WFDC2: variants seen among roughly 807,000 people sequenced by gnomAD.
WFDC2 encodes the protein WAP four-disulfide core domain 2.
In WFDC2, 8 loss-of-function variants were observed where a neutral mutation model predicts 12.5. The observed-to-expected ratio is 0.64, with a 90% CI of 0.37 to 1.15. The LOEUF (loss-of-function observed/expected upper bound fraction) is 1.15. WFDC2 is among the 50% of genes most tolerant of loss of function. The pLI is 0.01. For synonymous variants in WFDC2, 74 were observed against 67.2 expected, an observed-to-expected ratio of 1.10 and a Z score of -0.49; for missense variants, 166 against 159.9, an observed-to-expected ratio of 1.04 and a Z score of -0.21.
rs754010371 is a variant in WFDC2, at chr20:45,480,084, CA to C, written c.368del (p.Asn123IlefsTer10). 7 of 1,613,972 alleles carry C rather than the reference CA, an allele frequency of 4.3e-6. No homozygotes were observed. The highest frequency in any genetic ancestry group is 5.9e-6 in the Non-Finnish European group (7 of 1,179,872). On this transcript the variant is annotated frameshift_variant, in exon 3 of 4. Transcript: ENST00000372676. LOFTEE classifies it low-confidence loss of function (END_TRUNC). ...GTGGGAAGGTGTCCTGTGTCACTCCCAATTTCTGAGGTAAGTGAACGGGAAA... is the reference window on the plus strand; with the variant it reads ...GTGGGAAGGTGTCCTGTGTCACTCCCATTTCTGAGGTAAGTGAACGGGAAA... Reference protein sequence around the residue: ...GCGKVSCVTPNF With the variant: ...GCGKVSCVTPXF
chr20:45,470,400 G>C lies in WFDC2; in HGVS notation c.91G>C (p.Glu31Gln). 3 of 1,588,502 alleles carry C rather than the reference G, an allele frequency of 1.9e-6. No individual in the cohort carries two copies. Among genetic ancestry groups the C allele is most frequent in the Non-Finnish European group, 2.6e-6 (3 of 1,166,640 alleles). Residue 31 changes from glutamate (E) to glutamine (Q), a missense_variant, in exon 2 of 4, where the codon GAG (glutamate) becomes CAG (glutamine). Transcript: ENST00000372676. This position sits in a 1 kb window ranked among gnomAD's most constrained non-coding sequence, Gnocchi z 5.4. ...GCCTCCCCTCCCAGGCACAGGAGCA[G>C]AGAAGACTGGCGTGTGCCCCGAGCT... is the stretch of plus-strand genomic sequence containing the variant. The part of the protein sequence containing the change: ...GFTLVSGTGA[E>Q]KTGVCPELQA...
chr20:45,480,168 G>A (rs1355282900), intron 3 of WFDC2, 74 bp downstream of exon 3: 30 of 1,579,772 alleles, frequency 1.9e-5, no homozygotes, highest in South Asian at 7.0e-5. Flanking sequence ...TCACCCAGGC[G>A]GAGGTGAAGG....
At chr20:45,477,315 T>C (rs1479181230) in intron 2 of WFDC2, among the ~76,000 whole-genome samples, 1 of 152,230 alleles carries the variant, frequency 6.6e-6, no homozygotes, top group Non-Finnish European at 1.5e-5. Context: ...CGTGGATTTA[T>C]CTACCTTTGG....
rs1002154548 is a variant in WFDC2 at position 45,475,328 on chromosome 20, T to A, written c.224-4614T>A. On this transcript the variant is annotated intron_variant, in intron 2 of 3. Coordinates refer to ENST00000372676, the MANE Select transcript of WFDC2 (RefSeq NM_006103.4). ...TTGTGGGCATTTAGTGCTATAAATT[T>A]CCTTCTAAGCACTGCTTTAGCTGTG... 2.0e-5 allele frequency among the ~76,000 whole-genome samples: 3 copies of A among 152,246 alleles called. 1 individual carries two copies. Among genetic ancestry groups the A allele is most frequent in the Non-Finnish European group, 4.4e-5 (3 of 68,042 alleles).
intron 2 of WFDC2, among the ~76,000 whole-genome samples, chr20:45,478,194 G>A (rs1991257487): frequency 6.6e-6 from 1 of 152,042 alleles, no homozygotes; most frequent in Non-Finnish European, 1.5e-5. Context: ...GGCATTCCAG[G>A]CACCACTGGG....
In WFDC2 at chr20:45,470,503, G is replaced by C. The variant is rs773778537; in HGVS notation, c.194G>C (p.Gly65Ala). The stretch of plus-strand genomic sequence containing the variant: ...GACAACCTCAAGTGCTGCAGCGCGG[G>C]CTGTGCCACCTTCTGCTCTCTGCCC... Reference protein sequence around the residue: ...CADNLKCCSAGCATFCSLPND... With the variant: ...CADNLKCCSAACATFCSLPND... The change falls in exon 2 of 4, where the codon GGC (glycine) becomes GCC (alanine). Residue 65 changes from glycine (G) to alanine (A), a missense_variant. Coordinates refer to ENST00000372676, the MANE Select transcript of WFDC2 (RefSeq NM_006103.4). This position sits in a 1 kb window ranked among gnomAD's most constrained non-coding sequence, Gnocchi z 5.4. 1.9e-6 allele frequency: 3 copies of C among 1,599,494 alleles called. No homozygotes were observed. Among genetic ancestry groups the C allele is most frequent in the Non-Finnish European group, 1.7e-6 (2 of 1,172,894 alleles).
chr20:45,474,964 G>C, intron 2 of WFDC2, among the ~76,000 whole-genome samples: 1 of 152,096 alleles, frequency 6.6e-6, no homozygotes, highest in East Asian at 1.9e-4. Context: ...GTTTATTTGC[G>C]TAGAGGTGTT....
At chr20:45,473,714 G>C (rs940450977) in intron 2 of WFDC2, among the ~76,000 whole-genome samples, 1 of 151,088 alleles carries the variant, frequency 6.6e-6, no homozygotes, top group East Asian at 2.0e-4. Flanking sequence ...TTCTAATTCT[G>C]TGAAGAAAGT....
chr20:45,477,927 A>T (rs904262149), intron 2 of WFDC2, among the ~76,000 whole-genome samples: 3 of 152,238 alleles, frequency 2.0e-5, no homozygotes, highest in African/African-American at 4.8e-5. Context: ...GGCTCTGCCC[A>T]GTTTGAACTT....
chr20:45,476,996 C>A (rs6065819), intron 2 of WFDC2, among the ~76,000 whole-genome samples: 29,691 of 151,354 alleles, frequency 0.2, 3,459 homozygotes, highest in East Asian at 0.44. Flanking sequence ...GGCTTCATGA[C>A]GTTCTCGTGC....
chr20:45,471,259 G>T, intron 2 of WFDC2: 1 of 448,824 alleles, frequency 2.2e-6, no homozygotes, highest in Non-Finnish European at 4.8e-6. Context: ...TTGAGTGAGC[G>T]CGAGCTGGGG....
rs886852494 is a variant in WFDC2, at chr20:45,470,967, C to G, written c.223+435C>G. On this transcript the variant is annotated intron_variant, in intron 2 of 3. Transcript: ENST00000372676. The surrounding 1 kb of genome is among the most constrained non-coding windows in gnomAD (Gnocchi z 5.4). ...CTGGGGAAAGACTGGGAGAGCCTGG[C>G]CTGGCAAGATTTTCCCCAATTCCTC... 6.6e-6 allele frequency among the ~76,000 whole-genome samples: 1 copy of G among 152,194 alleles called. No homozygotes were observed. The highest frequency in any genetic ancestry group is 6.5e-5 in the Admixed American group (1 of 15,288).
intron 2 of WFDC2, among the ~76,000 whole-genome samples, chr20:45,478,142 C>T (rs1053209318): frequency 6.6e-5 from 10 of 152,168 alleles, no homozygotes; most frequent in Admixed American, 6.5e-4. Flanking sequence ...GTCTCCCTAG[C>T]TTCAGCCCCC....
intron 2 of WFDC2, 79 bp from the exon 3 acceptor site, chr20:45,479,862 TG>T: frequency 6.2e-7 from 1 of 1,613,908 alleles, no homozygotes; most frequent in Non-Finnish European, 8.5e-7. Flanking sequence ...TGAGGGGCAG[TG>T]GGGGGGCCAT....
At position 45,475,852 on chromosome 20, in the gene WFDC2, G is replaced by C. The variant is rs144139651; in HGVS notation, c.224-4090G>C. Among the ~76,000 whole-genome samples, 66 of 152,202 alleles carry C rather than the reference G, an allele frequency of 4.3e-4. No individual in the cohort carries two copies. The East Asian group carries it at 0.012, about 28-fold the overall frequency. On this transcript the variant is annotated intron_variant, in intron 2 of 3. Coordinates refer to ENST00000372676, the MANE Select transcript of WFDC2 (RefSeq NM_006103.4). ...TCTAAGAACTTGCTTTATGAATCAG[G>C]GTGCTCCTGTATTAGGTGCATATAT... is the stretch of plus-strand genomic sequence containing the variant.
intron 2 of WFDC2, among the ~76,000 whole-genome samples, chr20:45,479,144 C>T (rs543024140): frequency 5.3e-5 from 8 of 152,260 alleles, no homozygotes; most frequent in African/African-American, 1.9e-4. Context: ...TGTGGTTTCT[C>T]TCTGCATGGA....
intron 2 of WFDC2, among the ~76,000 whole-genome samples, chr20:45,478,155 T>C (rs1991257099): frequency 6.6e-6 from 1 of 152,044 alleles, no homozygotes; most frequent in South Asian, 2.1e-4. Flanking sequence ...CAGCCCCCTT[T>C]CCAGGGGCGT....
At chr20:45,481,282 G>A (rs781085736) in intron 3 of WFDC2, 89 bp from the exon 4 acceptor site, 2 of 152,278 alleles carry the variant, frequency 1.3e-5, no homozygotes, top group African/African-American at 4.8e-5. Context: ...TGGGGTCAAG[G>A]AGCTGGTCTA....
intron 2 of WFDC2, among the ~76,000 whole-genome samples, chr20:45,478,163 C>T (rs769944675): frequency 3.3e-5 from 5 of 151,750 alleles, no homozygotes; most frequent in Non-Finnish European, 5.9e-5. Context: ...TTTCCAGGGG[C>T]GTGAATGGTT....
Sources: gnomAD v4.1 joint callset for allele counts (sites outside exome capture counted in the v4.1 genomes callset) on GRCh38, gnomAD v4.1.1 for gene constraint, Gnocchi (gnomAD v3.1) non-coding constraint, MANE v1.5 for transcripts, NCBI Gene and HGNC (gene_info 2026-07-23, HGNC 2026-07-21) for gene names.